ESR1: variants seen among roughly 807,000 people sequenced by gnomAD.
ESR1 encodes estrogen receptor 1.
A neutral mutation model predicts 52.7 loss-of-function variants in ESR1; 12 were observed. That is an observed-to-expected ratio of 0.23 (90% confidence interval 0.15 to 0.37). The LOEUF is 0.37. Ranked by LOEUF, ESR1 falls within the 10% of genes least tolerant of loss-of-function variation. ESR1 has a pLI of 1.00. For missense variants in ESR1, 584 were observed against 779.7 expected (o/e 0.75, Z 2.99); for synonymous variants, 305 against 316.8 (o/e 0.96, Z 0.39).
At chr6:151,661,034 G>A (rs1180193941) in intron 1 of ESR1, among the ~76,000 whole-genome samples, 1 of 152,158 alleles carries the variant, frequency 6.6e-6, no homozygotes, top group Admixed American at 6.5e-5. Context: ...TACTGATACC[G>A]ATAAAAGAGT....
chr6:151,686,642 G>C (rs62441983), upstream of ESR1, among the ~76,000 whole-genome samples: 351 of 152,076 alleles, frequency 2.3e-3, 1 homozygote, highest in Non-Finnish European at 3.7e-3. Flanking sequence ...GAGCCGAGAT[G>C]GCGCCACTGC....
intron 2 of ESR1, among the ~76,000 whole-genome samples, chr6:151,762,490 G>A (rs572212889): frequency 4.7e-4 from 71 of 152,208 alleles, no homozygotes; most frequent in Non-Finnish European, 7.4e-4. Context: ...TTAAATCCCA[G>A]CTCTTTCATT....
intron 4 of ESR1, among the ~76,000 whole-genome samples, chr6:151,978,019 C>T (rs899698179): frequency 7.4e-6 from 1 of 135,572 alleles, no homozygotes; most frequent in African/African-American, 2.8e-5. Context: ...CTCATACCTA[C>T]AAAACTTAAA....
intron 2 of ESR1, among the ~76,000 whole-genome samples, chr6:151,717,207 A>C (rs887178484): frequency 6.6e-6 from 1 of 152,152 alleles, no homozygotes; most frequent in Non-Finnish European, 1.5e-5. Flanking sequence ...ACCAGTCCCA[A>C]TGAGATGAGC....
intron 3 of ESR1, among the ~76,000 whole-genome samples, chr6:151,885,078 G>A (rs1052298630): frequency 1.3e-5 from 2 of 152,078 alleles, no homozygotes; most frequent in South Asian, 2.1e-4. Flanking sequence ...CAAGTCACAA[G>A]GTAGGTGTTC....
At chr6:152,039,973 ATGGATG>A (rs2045648410) in intron 5 of ESR1, among the ~76,000 whole-genome samples, 1 of 152,164 alleles carries the variant, frequency 6.6e-6, no homozygotes, top group Non-Finnish European at 1.5e-5. Context: ...CCATAAGTCC[ATGGATG>A]GTAGTCTTGG....
At chr6:151,975,784 G>T (rs771934117) in intron 4 of ESR1, among the ~76,000 whole-genome samples, 1 of 152,152 alleles carries the variant, frequency 6.6e-6, no homozygotes, top group Non-Finnish European at 1.5e-5. Flanking sequence ...GGGCACCACG[G>T]TCAAGCCAAG....
At chr6:151,784,897 A>G (rs1006429404) in intron 2 of ESR1, among the ~76,000 whole-genome samples, 2 of 152,232 alleles carry the variant, frequency 1.3e-5, no homozygotes, top group African/African-American at 4.8e-5. Flanking sequence ...GCAGGCCAGC[A>G]GGCTGGAAAC....
At chr6:152,122,516 A>G in intron 6 of ESR1, 2 of 1,614,228 alleles carry the variant, frequency 1.2e-6, no homozygotes, top group Non-Finnish European at 1.7e-6. Context: ...GCACAGCTGT[A>G]GTCTTCCTCT....
chr6:151,726,583 G>A (rs560753469), intron 2 of ESR1, among the ~76,000 whole-genome samples: 57 of 152,242 alleles, frequency 3.7e-4, no homozygotes, highest in Admixed American at 1.5e-3. Context: ...TGATCCAACC[G>A]CCTCGGCCTC....
chr6:152,011,301 C>T (rs1286640064), intron 4 of ESR1, among the ~76,000 whole-genome samples: 2 of 152,070 alleles, frequency 1.3e-5, no homozygotes, highest in African/African-American at 4.8e-5. Flanking sequence ...GCATCTTCTA[C>T]TCAAACAGAA....
At chr6:151,785,820 T>G (rs1280167339) in intron 2 of ESR1, among the ~76,000 whole-genome samples, 2 of 152,188 alleles carry the variant, frequency 1.3e-5, no homozygotes, top group African/African-American at 4.8e-5. Flanking sequence ...GCAATGAGAT[T>G]TGTCAGGAAG....
At chr6:151,789,989 GC>G (rs936231714) in intron 2 of ESR1, among the ~76,000 whole-genome samples, 2 of 152,094 alleles carry the variant, frequency 1.3e-5, no homozygotes, top group Non-Finnish European at 2.9e-5. Flanking sequence ...GTTGGGAGCT[GC>G]CCCCCCTCAC....
At chr6:151,903,650 A>G (rs1797019209) in intron 3 of ESR1, among the ~76,000 whole-genome samples, 1 of 152,116 alleles carries the variant, frequency 6.6e-6, no homozygotes, top group Non-Finnish European at 1.5e-5. Flanking sequence ...CCAATACTTC[A>G]TTGAGGCTCA....
intron 5 of ESR1, among the ~76,000 whole-genome samples, chr6:152,058,657 C>T (rs772674304): frequency 1.3e-5 from 2 of 148,762 alleles, no homozygotes; most frequent in Non-Finnish European, 2.9e-5. Flanking sequence ...AGAACTTTTC[C>T]TGTGTCTTGC....
intron 1 of ESR1, among the ~76,000 whole-genome samples, chr6:151,833,242 G>T (rs1332443864): frequency 6.6e-6 from 1 of 152,166 alleles, no homozygotes; most frequent in Non-Finnish European, 1.5e-5. Context: ...ATGCGCTGAG[G>T]CTAAGGAGAC....
intron 3 of ESR1, among the ~76,000 whole-genome samples, chr6:151,896,582 T>C (rs1795542734): frequency 6.6e-6 from 1 of 152,198 alleles, no homozygotes; most frequent in Non-Finnish European, 1.5e-5. Flanking sequence ...TCTTCTTTTC[T>C]TGGTTAATCT....
rs2152505795 is a variant in ESR1 at position 152,098,683 on chromosome 6, G to T, written c.1554-49G>T. 1 of 1,484,978 alleles carries T rather than the reference G, an allele frequency of 6.7e-7. No individual in the cohort carries two copies. Among genetic ancestry groups the T allele is most frequent in the Non-Finnish European group, 9.4e-7 (1 of 1,068,738 alleles). 92.0% of individuals were successfully genotyped at this position (1,484,978 alleles called of 1,614,324 possible). On this transcript the variant is annotated intron_variant, in intron 7 of 7. Transcript: ENST00000206249. This position sits in a 1 kb window ranked among gnomAD's most constrained non-coding sequence, Gnocchi z 5.1. ...CTTCTAGGGATTTCAGCACTCCTGG[G>T]GCTCGGGTTGGCTCTAAAGTAGTCC...
chr6:151,658,496 T>C (rs1582826587), intron 1 of ESR1, among the ~76,000 whole-genome samples: 2 of 152,390 alleles, frequency 1.3e-5, no homozygotes, highest in East Asian at 3.9e-4. Context: ...CACCAAACTC[T>C]ATTCTAAAGA....
Sources: allele counts gnomAD v4.1 joint callset (sites outside exome capture counted in the v4.1 genomes callset), GRCh38; gene constraint gnomAD v4.1.1; non-coding constraint Gnocchi (gnomAD v3.1); transcripts MANE v1.5; gene names NCBI Gene and HGNC (gene_info 2026-07-23, HGNC 2026-07-21).